Variants in SLC35A3 observed in about 807,000 individuals in gnomAD.
SLC35A3 encodes solute carrier family 35 member A3.
Under a neutral mutation model 39.0 loss-of-function variants are expected in SLC35A3, and 26 were observed. The ratio of observed to expected loss-of-function variants is 0.67; its 90% CI spans 0.49 to 0.92. The LOEUF (loss-of-function observed/expected upper bound fraction) is 0.92, where lower values mean the gene tolerates loss of function less well. Among genes scored for constraint, SLC35A3 ranks in the 40% least tolerant of loss-of-function variants. The pLI, the probability that SLC35A3 is intolerant of heterozygous loss-of-function variation, is 0.00. For synonymous variants in SLC35A3, 135 were observed against 133.1 expected, an observed-to-expected ratio of 1.01 and a Z score of -0.10; for missense variants, 299 against 371.6, an observed-to-expected ratio of 0.80 and a Z score of 1.61.
intron 1 of SLC35A3, among the ~76,000 whole-genome samples, chr1:99,983,113 C>G (rs1298947381): frequency 6.6e-6 from 1 of 152,044 alleles, no homozygotes; most frequent in African/African-American, 2.4e-5. Flanking sequence ...TCAACGTTTA[C>G]AATTTACAAA....
Position 100,031,569 on chromosome 1 carries a change from G to A in SLC35A3, c.*9093G>A, listed in dbSNP as rs1661229136. On this transcript the variant is annotated 3_prime_UTR_variant, in exon 8 of 8. Transcript: ENST00000533028. ...ATTTGGGCACACTCAAGTCCTTAAG[G>A]GGAAACCGCGTATAAGAAAAGTCAG... is the stretch of plus-strand genomic sequence containing the variant. 1 of 152,014 alleles carries A rather than the reference G, an allele frequency of 6.6e-6. No homozygotes were observed. Among genetic ancestry groups the A allele is most frequent in the South Asian group, 2.1e-4 (1 of 4,826 alleles). 9.4% of individuals were successfully genotyped at this position (152,014 alleles called of 1,614,324 possible). A position where few individuals can be genotyped will look rare whatever the true frequency, so the allele number is the denominator to read the frequency against.
intron 3 of SLC35A3, among the ~76,000 whole-genome samples, chr1:100,004,195 G>T (rs1262918386): frequency 3.3e-5 from 5 of 152,170 alleles, no homozygotes; most frequent in African/African-American, 4.8e-5. Context: ...GTTAATGTTT[G>T]ACTTCTTTCT....
At chr1:100,017,956 C>A in intron 7 of SLC35A3, 141 bp downstream of exon 7, 2 of 456,104 alleles carry the variant, frequency 4.4e-6, no homozygotes, top group Non-Finnish European at 7.5e-6. Context: ...AAAAATATTT[C>A]AAATTAAATT....
intron 3 of SLC35A3, among the ~76,000 whole-genome samples, chr1:100,005,709 C>T (rs1199902301): frequency 6.6e-6 from 1 of 151,902 alleles, no homozygotes; most frequent in Non-Finnish European, 1.5e-5. Flanking sequence ...TTTATGATAT[C>T]TCTTTGTTGA....
chr1:99,978,328 G>A (rs944535301), intron 1 of SLC35A3, among the ~76,000 whole-genome samples: 5 of 151,960 alleles, frequency 3.3e-5, no homozygotes, highest in African/African-American at 1.2e-4. Context: ...GACCAGCCTG[G>A]GCAACACAGG....
At position 100,032,472 on chromosome 1, in the gene SLC35A3, A is replaced by G. The variant is rs1343839260; in HGVS notation, c.*9996A>G. The G allele has an allele frequency of 6.6e-6, 1 of 152,216 alleles. No homozygotes were observed. The highest frequency in any genetic ancestry group is 2.4e-5 in the African/African-American group (1 of 41,456). The allele number at this position is 152,216 out of a possible 1,614,324, so 9.4% of individuals were successfully genotyped here. On this transcript the variant is annotated 3_prime_UTR_variant, in exon 8 of 8. Transcript: ENST00000533028. ...TAAAAAAAATTACTCAATATATTATAGCCAATCGGTCACAGTTCTTTTTGA... is the reference window on the plus strand; with the variant it reads ...TAAAAAAAATTACTCAATATATTATGGCCAATCGGTCACAGTTCTTTTTGA...
chr1:100,022,694 A>G lies in SLC35A3; in HGVS notation c.*218A>G, dbSNP rs1660643245. On this transcript the variant is annotated 3_prime_UTR_variant, in exon 8 of 8. Coordinates refer to ENST00000533028, the MANE Select transcript of SLC35A3 (RefSeq NM_012243.3). ...AAGTATTTCCAGGGATTAGGATTAG[A>G]AGGAATATTAGAGGAAACTTGAAAT... 1 of 347,702 alleles carries G rather than the reference A, an allele frequency of 2.9e-6. No individual in the cohort carries two copies. Among genetic ancestry groups the G allele is most frequent in the East Asian group, 4.5e-5 (1 of 22,328 alleles). 21.5% of individuals were successfully genotyped at this position (347,702 alleles called of 1,614,324 possible).
At chr1:99,987,375 T>C (rs1657808099) in intron 1 of SLC35A3, among the ~76,000 whole-genome samples, 2 of 152,214 alleles carry the variant, frequency 1.3e-5, no homozygotes, top group Admixed American at 1.3e-4. Flanking sequence ...CAGAGATATA[T>C]TATTCAATTT....
intron 1 of SLC35A3, among the ~76,000 whole-genome samples, chr1:99,988,794 C>T (rs1340261713): frequency 2.0e-5 from 3 of 151,524 alleles, no homozygotes; most frequent in Non-Finnish European, 4.4e-5. Context: ...TTGAGAGGGT[C>T]TTGCTCTGTT....
At chr1:99,996,699 C>T (rs1658418578) in intron 2 of SLC35A3, among the ~76,000 whole-genome samples, 1 of 151,844 alleles carries the variant, frequency 6.6e-6, no homozygotes, top group African/African-American at 2.4e-5. Context: ...ATAGCGAGGC[C>T]CTCATCTGTA....
chr1:99,983,032 A>G (rs1570572541), intron 1 of SLC35A3, among the ~76,000 whole-genome samples: 1 of 152,340 alleles, frequency 6.6e-6, no homozygotes, highest in Admixed American at 6.5e-5. Context: ...TTCATACCCA[A>G]AGATTATAAT....
Position 99,993,596 on chromosome 1 carries a change from C to A in SLC35A3, c.42C>A (p.Val14=). Residue 14 remains valine, a synonymous_variant, in exon 2 of 8, where the codon GTC becomes GTA. Transcript: ENST00000533028. ...NLKYVSLGIL[V]FQTTSLVLTM... ...AATACGTTTCCCTGGGAATTTTGGT[C>A]TTTCAGACTACCAGTTTGGTTCTAA... is the stretch of plus-strand genomic sequence containing the variant. The A allele has an allele frequency of 6.2e-7, 1 of 1,613,872 alleles. No individual in the cohort carries two copies. The highest frequency in any genetic ancestry group is 1.1e-5 in the South Asian group (1 of 91,032).
At chr1:99,999,205 A>G in intron 2 of SLC35A3, 56 bp from the exon 3 acceptor site, 1 of 1,105,702 alleles carries the variant, frequency 9.0e-7, no homozygotes, top group Non-Finnish European at 1.2e-6. Flanking sequence ...TTGAGAGCAG[A>G]TATGTAACTT....
At chr1:99,993,452 C>G in intron 1 of SLC35A3, 85 bp from the exon 2 acceptor site, 1 of 1,128,706 alleles carries the variant, frequency 8.9e-7, no homozygotes, top group Non-Finnish European at 1.3e-6. Context: ...CAGGCCCTCT[C>G]CCTTCTCCCT....
chr1:100,014,673 C>T (rs768188495), intron 5 of SLC35A3, among the ~76,000 whole-genome samples: 2 of 152,146 alleles, frequency 1.3e-5, no homozygotes, highest in African/African-American at 4.8e-5. Context: ...TGCACATATT[C>T]GAATGGGCTA....
intron 5 of SLC35A3, 33 bp downstream of exon 5, chr1:100,011,566 A>G (rs766964370): frequency 1.1e-6 from 1 of 869,576 alleles, no homozygotes; most frequent in South Asian, 2.9e-5. Flanking sequence ...TATTATTTTA[A>G]AAATGATTAT....
chr1:100,001,778 T>C (rs1658830719), intron 3 of SLC35A3, among the ~76,000 whole-genome samples: 7 of 152,154 alleles, frequency 4.6e-5, no homozygotes, highest in Admixed American at 3.9e-4. Context: ...GTTTGTCATA[T>C]ATGGCCTTTA....
intron 1 of SLC35A3, among the ~76,000 whole-genome samples, chr1:99,983,864 G>T (rs1174736420): frequency 1.3e-5 from 2 of 152,070 alleles, no homozygotes; most frequent in African/African-American, 4.8e-5. Flanking sequence ...TGCGTGATCC[G>T]CCGGCCTTGG....
Position 99,984,344 on chromosome 1 carries a change from T to C in SLC35A3, c.-18-9193T>C, listed in dbSNP as rs576098286. ...ATTTAGGAGTGAGAACATAATGATG[T>C]TTGGTTTTTCATTCCTGAATTACTT... On this transcript the variant is annotated intron_variant, in intron 1 of 7. Transcript: ENST00000533028. Among the ~76,000 whole-genome samples, 411 of 152,330 alleles carry C rather than the reference T, an allele frequency of 2.7e-3. 1 individual carries two copies. Among genetic ancestry groups the C allele is most frequent in the Non-Finnish European group, 5.0e-3 (343 of 68,026 alleles).
Sources: allele counts gnomAD v4.1 joint callset (sites outside exome capture counted in the v4.1 genomes callset), GRCh38; gene constraint gnomAD v4.1.1; transcripts MANE v1.5; gene names NCBI Gene and HGNC (gene_info 2026-07-23, HGNC 2026-07-21).